Variants in F7 observed in about 807,000 individuals in gnomAD.
F7 encodes the protein coagulation factor VII.
Under a neutral mutation model 47.5 loss-of-function variants are expected in F7, and 38 were observed. That is an observed-to-expected ratio of 0.80 (90% CI 0.62 to 1.05). The LOEUF (loss-of-function observed/expected upper bound fraction) is 1.05. Ranked by LOEUF, F7 falls within the 50% of genes least tolerant of loss-of-function variation. The pLI is 0.00. For missense variants in F7, 575 were observed against 605.4 expected (o/e 0.95, Z 0.53); for synonymous variants, 244 against 258.5 (o/e 0.94, Z 0.54).
Position 113,115,741 on chromosome 13 carries a change from C to A in F7, c.446C>A (p.Ser149Tyr), listed in dbSNP as rs143855920. The change falls in exon 5 of 8, where the codon TCC (serine) becomes TAC (tyrosine). Residue 149 changes from serine (S) to tyrosine (Y), a missense_variant. By Grantham distance (144) the Ser-to-Tyr change is moderately radical (BLOSUM62 -2). Coordinates refer to ENST00000346342, the MANE Select transcript of F7 (RefSeq NM_019616.4). The stretch of plus-strand genomic sequence containing the variant: ...AGTGACCACACGGGCACCAAGCGCT[C>A]CTGTCGGTGCCACGAGGGGTACTCT... ...YCSDHTGTKR[S>Y]CRCHEGYSLL... 6.2e-7 allele frequency: 1 copy of A among 1,613,188 alleles called. No individual in the cohort carries two copies. Among genetic ancestry groups the A allele is most frequent in the Non-Finnish European group, 8.5e-7 (1 of 1,180,026 alleles).
Position 113,117,614 on chromosome 13 carries a change from C to CT in F7, c.739+19dup, listed in dbSNP as rs1480335255. 1 of 1,511,038 alleles carries CT rather than the reference C, an allele frequency of 6.6e-7. No homozygotes were observed. The highest frequency in any genetic ancestry group is 8.9e-7 in the Non-Finnish European group (1 of 1,125,574). The allele number at this position is 1,511,038 out of a possible 1,614,324, so 93.6% of individuals were successfully genotyped here. On this transcript the variant is annotated intron_variant, in intron 7 of 7. Coordinates refer to ENST00000346342, the MANE Select transcript of F7 (RefSeq NM_019616.4). ...GGTGCTGGGTGGGTACCACTCTCCCCTGTCCGACCGCGGTGCTGGGTGGGT... is the reference window on the plus strand; with the variant it reads ...GGTGCTGGGTGGGTACCACTCTCCCCTTGTCCGACCGCGGTGCTGGGTGGGT...
chr13:113,106,936 G>A (rs781759398), intron 1 of F7: 1 of 1,587,632 alleles, frequency 6.3e-7, no homozygotes, highest in East Asian at 2.3e-5. Flanking sequence ...CACTGGTTTT[G>A]TCCTGGGGCC....
chr13:113,119,121 G>A lies in F7; in HGVS notation c.*113G>A, dbSNP rs978463124. 2.4e-6 allele frequency: 2 copies of A among 827,158 alleles called. No individual in the cohort carries two copies. The highest frequency in any genetic ancestry group is 3.8e-6 in the Non-Finnish European group (2 of 521,528). 51.2% of individuals were successfully genotyped at this position (827,158 alleles called of 1,614,324 possible). ...GGGTAGAGGAGGGCATGGGAGGGAG[G>A]GAGAGGTGGGGAGGGAGACAGAGAC... On this transcript the variant is annotated 3_prime_UTR_variant, in exon 8 of 8. Transcript: ENST00000346342.
intron 6 of F7, 126 bp from the exon 7 acceptor site, chr13:113,117,347 A>T (rs536258354): frequency 2.7e-6 from 4 of 1,492,036 alleles, no homozygotes; most frequent in African/African-American, 1.4e-5. Context: ...AGGGATCTGC[A>T]AAGACCCCAG....
chr13:113,107,358 GAGTGTGGGTGTCCCGGA>G (rs1431192303), intron 1 of F7, among the ~76,000 whole-genome samples: 8 of 53,478 alleles, frequency 1.5e-4, no homozygotes, highest in African/African-American at 6.0e-4. Flanking sequence ...GGTGTCCCGG[GAGTGTGGGTGTCCCGGA>G]GGCGAGGGTG....
At chr13:113,111,932 A>G (rs1053077457) in intron 2 of F7, among the ~76,000 whole-genome samples, 12 of 144,120 alleles carry the variant, frequency 8.3e-5, no homozygotes, top group Non-Finnish European at 1.5e-4. Flanking sequence ...CTCACGGGTC[A>G]CCTCACACCC....
In F7 at chr13:113,110,748, G is replaced by A. The variant is rs1244507314; in HGVS notation, c.123G>A (p.Ala41=). The change falls in exon 2 of 8, where the codon GCG becomes GCA. Residue 41 remains alanine (A), a synonymous_variant. Coordinates refer to ENST00000346342, the MANE Select transcript of F7 (RefSeq NM_019616.4). The stretch of plus-strand genomic sequence containing the variant: ...TGCACCGGCGCCGGCGCGCCAACGC[G>A]TTCCTGGAGGAGCTGCGGCCGGGCT... The part of the protein sequence containing the change: ...GVLHRRRRAN[A]FLEELRPGSL... 2.6e-6 allele frequency: 4 copies of A among 1,549,174 alleles called. No homozygotes were observed. Among genetic ancestry groups the A allele is most frequent in the African/African-American group, 1.4e-5 (1 of 73,098 alleles).
intron 5 of F7, 142 bp from the exon 6 acceptor site, chr13:113,116,624 G>A: frequency 1.4e-6 from 1 of 707,826 alleles, no homozygotes; most frequent in Middle Eastern, 2.5e-4. Context: ...ACCACCCCTG[G>A]GCCCTGGGAG....
At position 113,117,469 on chromosome 13, in the gene F7, C is replaced by T. The variant is rs753325591; in HGVS notation, c.616-4C>T. ...ACTTCCACACCTCCTGTCCCCCCGC[C>T]CAGGTCCTGTTGTTGGTGAATGGAG... On this transcript the variant is annotated splice_polypyrimidine_tract_variant and splice_region_variant and intron_variant, in intron 6 of 7. Coordinates refer to ENST00000346342, the MANE Select transcript of F7 (RefSeq NM_019616.4). The T allele has an allele frequency of 6.2e-7, 1 of 1,613,962 alleles. No homozygotes were observed.
At chr13:113,115,949 C>A in intron 5 of F7, 149 bp downstream of exon 5, 3 of 1,239,270 alleles carry the variant, frequency 2.4e-6, no homozygotes, top group Non-Finnish European at 1.1e-6. Flanking sequence ...ATCTGGGCAC[C>A]AAGGGTGGCA....
rs1483721823 is a variant in F7, at chr13:113,115,640, T to C, written c.365-20T>C. 6.2e-7 allele frequency: 1 copy of C among 1,611,036 alleles called. No individual in the cohort carries two copies. Among genetic ancestry groups the C allele is most frequent in the African/African-American group, 1.3e-5 (1 of 74,854 alleles). The stretch of plus-strand genomic sequence containing the variant: ...TGACCCCCAGAAGCCCCTCTCAGGG[T>C]GTCCCCTTCCTGTCCCCAGACAAGG... On this transcript the variant is annotated intron_variant, in intron 4 of 7. Transcript: ENST00000346342.
chr13:113,115,627 G>A, intron 4 of F7, 33 bp from the exon 5 acceptor site: 1 of 1,608,702 alleles, frequency 6.2e-7, no homozygotes, highest in Non-Finnish European at 8.5e-7. Flanking sequence ...ACCCCCAGAA[G>A]CCCCTCTCAG....
At chr13:113,115,393 C>T (rs1453384363) in intron 4 of F7, among the ~76,000 whole-genome samples, 1 of 152,172 alleles carries the variant, frequency 6.6e-6, no homozygotes, top group East Asian at 1.9e-4. Flanking sequence ...GGCCACTGCC[C>T]ACCAGCCAGG....
Position 113,117,520 on chromosome 13 carries a change from C to T in F7, c.663C>T (p.Ile221=), listed in dbSNP as rs746792884. Residue 221 remains isoleucine, a synonymous_variant, in exon 7 of 8, where the codon ATC becomes ATT. Transcript: ENST00000346342. ...CTCAGTTGTGTGGGGGGACCCTGAT[C>T]AACACCATCTGGGTGGTCTCCGCGG... ...NGAQLCGGTL[I]NTIWVVSAAH... 1 of 1,614,204 alleles carries T rather than the reference C, an allele frequency of 6.2e-7. No individual in the cohort carries two copies. The highest frequency in any genetic ancestry group is 8.5e-7 in the Non-Finnish European group (1 of 1,180,022).
chr13:113,110,440 G>A (rs897464745), intron 1 of F7: 24 of 455,838 alleles, frequency 5.3e-5, no homozygotes, highest in African/African-American at 2.7e-4. Context: ...GCTTCCGCGC[G>A]TGCCCCCGAG....
chr13:113,117,460 T>C lies in F7; in HGVS notation c.616-13T>C. ...AGCAATGTGACTTCCACACCTCCTG[T>C]CCCCCCGCCCAGGTCCTGTTGTTGG... On this transcript the variant is annotated splice_polypyrimidine_tract_variant and intron_variant, in intron 6 of 7. Transcript: ENST00000346342. 3 of 1,613,354 alleles carry C rather than the reference T, an allele frequency of 1.9e-6. No homozygotes were observed. The South Asian group carries it at 3.3e-5, about 18-fold the overall frequency.
intron 1 of F7, among the ~76,000 whole-genome samples, chr13:113,106,642 A>T (rs1430454687): frequency 2.9e-4 from 3 of 10,480 alleles, no homozygotes; most frequent in East Asian, 3.2e-3. Context: ...GGGGATGGCG[A>T]GTGGGGCTGG....
Position 113,113,906 on chromosome 13 carries a change from C to T in F7, c.310C>T (p.Gln104Ter). 1 of 1,614,188 alleles carries T rather than the reference C, an allele frequency of 6.2e-7. No homozygotes were observed. Among genetic ancestry groups the T allele is most frequent in the Non-Finnish European group, 8.5e-7 (1 of 1,180,042 alleles). The change falls in exon 4 of 8, where the codon CAG (glutamine) becomes TAG (stop). Residue 104 changes from glutamine to a stop codon, truncating the protein, a stop_gained. Coordinates refer to ENST00000346342, the MANE Select transcript of F7 (RefSeq NM_019616.4). LOFTEE classifies it high-confidence loss of function. The surrounding 1 kb of genome is among the most constrained non-coding windows in gnomAD (Gnocchi z 4.1). ...QNGGSCKDQL[Q>*]SYICFCLPAF... is the part of the protein sequence containing the mutation. ...TGGGGGCTCCTGCAAGGACCAGCTC[C>T]AGTCCTATATCTGCTTCTGCCTCCC...
Position 113,117,747 on chromosome 13 carries a change from G to A in F7, c.739+151G>A, listed in dbSNP as rs2036221991. The A allele has an allele frequency of 2.0e-6, 3 of 1,469,166 alleles. No homozygotes were observed. In the South Asian group the frequency reaches 4.0e-5, roughly 20 times the overall value. The allele number at this position is 1,469,166 out of a possible 1,614,324, so 91.0% of individuals were successfully genotyped here. On this transcript the variant is annotated intron_variant, in intron 7 of 7. Transcript: ENST00000346342. ...CCCCTGTCCGACCGCGGTGCTGGGT[G>A]GGTGCCACTCTCCGCTGTCCGACCG...
Sources: gnomAD v4.1 joint callset for allele counts (sites outside exome capture counted in the v4.1 genomes callset) on GRCh38, gnomAD v4.1.1 for gene constraint, Gnocchi (gnomAD v3.1) non-coding constraint, MANE v1.5 for transcripts, NCBI Gene and HGNC (gene_info 2026-07-23, HGNC 2026-07-21) for gene names.